Variants in ZNF140 observed in about 807,000 individuals in gnomAD.
ZNF140 encodes the protein zinc finger protein 140 (clone pHZ-39).
Under a neutral mutation model 12.9 loss-of-function variants are expected in ZNF140, and 13 were observed. The ratio of observed to expected loss-of-function variants is 1.01; its 90% confidence interval spans 0.66 to 1.60. ZNF140 has a LOEUF of 1.60. Ranked by LOEUF, ZNF140 falls within the 40% of genes most tolerant of loss-of-function variation. The pLI is 0.00. For missense variants in ZNF140, 531 were observed against 548.8 expected (o/e 0.97, Z 0.32); for synonymous variants, 214 against 186.7 (o/e 1.15, Z -1.19).
At chr12:133,104,150 GTTA>G (rs1229089887) in intron 4 of ZNF140, among the ~76,000 whole-genome samples, 1 of 152,166 alleles carries the variant, frequency 6.6e-6, no homozygotes, top group Non-Finnish European at 1.5e-5. Context: ...GTTTTTAGAT[GTTA>G]TTGGGAATTT....
chr12:133,083,159 G>C lies in ZNF140; in HGVS notation c.66G>C (p.Trp22Cys). 3.1e-6 allele frequency: 5 copies of C among 1,614,212 alleles called. No individual in the cohort carries two copies. Among genetic ancestry groups the C allele is most frequent in the Non-Finnish European group, 4.2e-6 (5 of 1,180,036 alleles). Residue 22 changes from tryptophan (W) to cysteine (C), a missense_variant, in exon 3 of 5, where the codon TGG becomes TGC. By Grantham distance (215) the Trp-to-Cys change is radical. Transcript: ENST00000355557. ...ACTTCTCCCAGGAGGAGTGGAAATGGCTTCAGCCTGCTCAAAGAGATTTGT... is the reference window on the plus strand; with the variant it reads ...ACTTCTCCCAGGAGGAGTGGAAATGCCTTCAGCCTGCTCAAAGAGATTTGT... The part of the protein sequence containing the change: ...AIDFSQEEWK[W>C]LQPAQRDLYR...
At chr12:133,102,284 T>C (rs1400141932) in intron 4 of ZNF140, among the ~76,000 whole-genome samples, 2 of 152,218 alleles carry the variant, frequency 1.3e-5, no homozygotes, top group Non-Finnish European at 2.9e-5. Context: ...CTCCCTGTCA[T>C]AATTTTCCAT....
At chr12:133,081,735 C>T (rs1037879282) in intron 2 of ZNF140, 2 of 344,634 alleles carry the variant, frequency 5.8e-6, no homozygotes, top group South Asian at 2.1e-5. Flanking sequence ...TACATCGCCT[C>T]CTCTTTCCCA....
intron 4 of ZNF140, among the ~76,000 whole-genome samples, chr12:133,092,316 T>C (rs1332569605): frequency 6.6e-6 from 1 of 151,078 alleles, no homozygotes; most frequent in Non-Finnish European, 1.5e-5. Flanking sequence ...TCTCTTGCCC[T>C]CACTAACAGA....
At chr12:133,099,383 G>A (rs1283515290) in intron 4 of ZNF140, among the ~76,000 whole-genome samples, 2 of 152,078 alleles carry the variant, frequency 1.3e-5, no homozygotes, top group Non-Finnish European at 2.9e-5. Context: ...CACCGTGTTG[G>A]CCAGGCTGGT....
chr12:133,102,292 C>T (rs1179509051), intron 4 of ZNF140, among the ~76,000 whole-genome samples: 1 of 152,090 alleles, frequency 6.6e-6, no homozygotes, highest in Non-Finnish European at 1.5e-5. Flanking sequence ...CATAATTTTC[C>T]ATAATTTCCT....
intron 4 of ZNF140, among the ~76,000 whole-genome samples, chr12:133,095,838 T>C (rs1955079832): frequency 6.6e-6 from 1 of 151,646 alleles, no homozygotes; most frequent in African/African-American, 2.4e-5. Context: ...CTCAGCGGAG[T>C]AAAGAATAAC....
intron 4 of ZNF140, among the ~76,000 whole-genome samples, chr12:133,096,816 G>C (rs2137546998): frequency 6.6e-6 from 1 of 152,320 alleles, no homozygotes; most frequent in African/African-American, 2.4e-5. Flanking sequence ...GAATGTCTTG[G>C]GAATTGGAGA....
At chr12:133,097,197 C>T (rs2137548305) in intron 4 of ZNF140, among the ~76,000 whole-genome samples, 1 of 152,236 alleles carries the variant, frequency 6.6e-6, no homozygotes, top group South Asian at 2.1e-4. Context: ...GTATGGTATA[C>T]CTTTCTGTAC....
At chr12:133,103,081 A>G (rs1254903384) in intron 4 of ZNF140, among the ~76,000 whole-genome samples, 1 of 152,228 alleles carries the variant, frequency 6.6e-6, no homozygotes. Flanking sequence ...TGATGTTTCA[A>G]TACATGTATA....
intron 4 of ZNF140, among the ~76,000 whole-genome samples, chr12:133,093,717 G>A (rs1376371356): frequency 1.3e-5 from 2 of 151,092 alleles, no homozygotes; most frequent in Non-Finnish European, 2.9e-5. Flanking sequence ...AAAATTCAAA[G>A]TATAGAGTGC....
intron 4 of ZNF140, among the ~76,000 whole-genome samples, chr12:133,101,917 C>A (rs201384768): frequency 6.6e-6 from 1 of 152,046 alleles, no homozygotes; most frequent in East Asian, 1.9e-4. Context: ...ACATTCCTAC[C>A]GTATCTGTCT....
chr12:133,090,996 C>T (rs922263754), intron 4 of ZNF140, among the ~76,000 whole-genome samples: 8 of 148,992 alleles, frequency 5.4e-5, no homozygotes, highest in African/African-American at 1.2e-4. Context: ...AATGTACAAT[C>T]GGGTTTTATA....
chr12:133,096,124 C>G (rs994849739), intron 4 of ZNF140, among the ~76,000 whole-genome samples: 4 of 151,798 alleles, frequency 2.6e-5, no homozygotes, highest in African/African-American at 9.6e-5. Context: ...TGGGGAGAAA[C>G]CTTGGACAAT....
chr12:133,100,921 G>A (rs1240994586), intron 4 of ZNF140: 3 of 447,492 alleles, frequency 6.7e-6, no homozygotes, highest in African/African-American at 6.0e-5. Flanking sequence ...ACTCAGAATG[G>A]TGTACAGTTT....
At chr12:133,100,880 G>A (rs1378616730) in intron 4 of ZNF140, 3 of 364,870 alleles carry the variant, frequency 8.2e-6, no homozygotes, top group Admixed American at 6.4e-5. Flanking sequence ...TTCGGGGTGG[G>A]GTGGAGCAGG....
chr12:133,087,203 C>T (rs1435316921), intron 4 of ZNF140, among the ~76,000 whole-genome samples: 2 of 151,802 alleles, frequency 1.3e-5, no homozygotes, highest in African/African-American at 2.4e-5. Context: ...AAGAAGTAGA[C>T]TCAAAAGGAC....
chr12:133,105,569 T>G lies in ZNF140; in HGVS notation c.292T>G (p.Ser98Ala). 1.9e-6 allele frequency: 3 copies of G among 1,613,950 alleles called. No homozygotes were observed. The South Asian group carries it at 3.3e-5, about 18-fold the overall frequency. Residue 98 changes from serine (S) to alanine (A), a missense_variant, in exon 5 of 5, where the codon TCA becomes GCA. Ser to Ala is a moderately conservative substitution (Grantham distance 99, BLOSUM62 1). Transcript: ENST00000355557. Reference protein sequence around the residue: ...FSPKNVIYDDSSQYLIMERIL... With the variant: ...FSPKNVIYDDASQYLIMERIL... ...ACCAAAAAATGTCATTTATGATGAC[T>G]CATCCCAGTATTTGATCATGGAAAG...
chr12:133,096,895 C>T (rs1475404981), intron 4 of ZNF140, among the ~76,000 whole-genome samples: 3 of 152,208 alleles, frequency 2.0e-5, no homozygotes. Flanking sequence ...TTAAGTTCAG[C>T]TGTGTTCTTA....
Sources: allele counts gnomAD v4.1 joint callset (sites outside exome capture counted in the v4.1 genomes callset), GRCh38; gene constraint gnomAD v4.1.1; transcripts MANE v1.5; gene names NCBI Gene and HGNC (gene_info 2026-07-23, HGNC 2026-07-21).